Variants in SMYD4 observed in about 807,000 individuals in gnomAD.
The protein encoded by SMYD4 is SET and MYND domain containing 4, also known as protein-lysine N-methyltransferase SMYD4.
Under a neutral mutation model 72.8 loss-of-function variants are expected in SMYD4, and 68 were observed. The ratio of observed to expected loss-of-function variants is 0.93; its 90% CI spans 0.77 to 1.14. SMYD4 has a LOEUF of 1.14. Among genes scored for constraint, SMYD4 ranks in the 50% most tolerant of loss-of-function variants. SMYD4 has a pLI of 0.00. For missense variants in SMYD4, 984 were observed against 1,003.7 expected (o/e 0.98, Z 0.27); for synonymous variants, 407 against 388.6 (o/e 1.05, Z -0.56).
intron 1 of SMYD4, 146 bp from the exon 2 acceptor site, chr17:1,828,152 C>T (rs1911301312): frequency 1.2e-5 from 8 of 674,216 alleles, no homozygotes; most frequent in South Asian, 9.8e-5. Context: ...AGATGGAGAC[C>T]ATCCTGGCTA....
chr17:1,811,827 T>A, intron 3 of SMYD4, 144 bp downstream of exon 3: 6 of 803,690 alleles, frequency 7.5e-6, no homozygotes, highest in Non-Finnish European at 1.1e-5. Context: ...CTCAGGAGAC[T>A]AAGGTGGGAG....
rs987335804 is a variant in SMYD4 at position 1,780,561 on chromosome 17, C to T, written c.*725G>A. The T allele has an allele frequency of 6.6e-6, 1 of 151,790 alleles. No individual in the cohort carries two copies. The highest frequency in any genetic ancestry group is 2.4e-5 in the African/African-American group (1 of 41,242). The allele number at this position is 151,790 out of a possible 1,614,324, so 9.4% of individuals were successfully genotyped here. A position where few individuals can be genotyped will look rare whatever the true frequency, so the allele number is the denominator to read the frequency against. ...CCGCACCTGGTCTGCAGAACCCACACCCGACCCACAGAACCCACACCCGAC... is the reference window on the plus strand; with the variant it reads ...CCGCACCTGGTCTGCAGAACCCACATCCGACCCACAGAACCCACACCCGAC... On this transcript the variant is annotated 3_prime_UTR_variant, in exon 11 of 11. Coordinates refer to ENST00000305513, the MANE Select transcript of SMYD4 (RefSeq NM_052928.3).
chr17:1,791,076 G>A (rs1028310561), intron 5 of SMYD4, among the ~76,000 whole-genome samples: 8 of 135,056 alleles, frequency 5.9e-5, no homozygotes, highest in Admixed American at 1.7e-4. Flanking sequence ...GCAGTGAGCC[G>A]AGATCGCGCC....
intron 3 of SMYD4, among the ~76,000 whole-genome samples, chr17:1,807,898 C>T (rs970560043): frequency 1.3e-5 from 2 of 152,054 alleles, no homozygotes; most frequent in Non-Finnish European, 2.9e-5. Context: ...AGGCAGATGA[C>T]GCTGGACACT....
chr17:1,809,397 CAG>C (rs1212577633), intron 3 of SMYD4, among the ~76,000 whole-genome samples: 1 of 150,824 alleles, frequency 6.6e-6, no homozygotes, highest in South Asian at 2.1e-4. Flanking sequence ...TTTTTTGAGA[CAG>C]AGTCTTGCTC....
At chr17:1,824,031 G>C (rs898657316) in intron 2 of SMYD4, among the ~76,000 whole-genome samples, 1 of 152,172 alleles carries the variant, frequency 6.6e-6, no homozygotes, top group Non-Finnish European at 1.5e-5. Flanking sequence ...TGAAACTGAA[G>C]AGTTCTAGAG....
At chr17:1,813,089 C>A (rs769257715) in intron 2 of SMYD4, among the ~76,000 whole-genome samples, 1 of 152,160 alleles carries the variant, frequency 6.6e-6, no homozygotes, top group Non-Finnish European at 1.5e-5. Flanking sequence ...CAGGCATGCA[C>A]CACCACGTTC....
intron 4 of SMYD4, among the ~76,000 whole-genome samples, chr17:1,803,788 C>G (rs1909892045): frequency 6.6e-6 from 1 of 151,452 alleles, no homozygotes; most frequent in African/African-American, 2.4e-5. Flanking sequence ...CGTGAACCAC[C>G]ATGCCTGGCC....
chr17:1,784,662 G>A (rs777825259), intron 7 of SMYD4: 2 of 718,386 alleles, frequency 2.8e-6, no homozygotes, highest in Non-Finnish European at 3.4e-6. Context: ...ATCAGCAGTA[G>A]CTGATCCCAC....
intron 2 of SMYD4, among the ~76,000 whole-genome samples, chr17:1,817,171 G>A (rs528831986): frequency 1.3e-5 from 2 of 151,794 alleles, no homozygotes; most frequent in South Asian, 4.2e-4. Context: ...CCGAGTAGCC[G>A]GGATTACAGG....
At chr17:1,787,307 T>C (rs1292316918) in intron 6 of SMYD4, 115 bp downstream of exon 6, 69 of 1,364,354 alleles carry the variant, frequency 5.1e-5, no homozygotes, top group Non-Finnish European at 6.8e-5. Context: ...TCACTGCCTC[T>C]TCCAGGAAGC....
At chr17:1,784,773 A>C (rs1908562418) in intron 7 of SMYD4, among the ~76,000 whole-genome samples, 1 of 151,778 alleles carries the variant, frequency 6.6e-6, no homozygotes, top group South Asian at 2.1e-4. Flanking sequence ...TTAGATGACA[A>C]ACATTTCTTT....
chr17:1,813,900 C>T (rs1286024418), intron 2 of SMYD4, among the ~76,000 whole-genome samples: 1 of 152,096 alleles, frequency 6.6e-6, no homozygotes, highest in Non-Finnish European at 1.5e-5. Flanking sequence ...ATAACCTAGA[C>T]TATTCTCTTT....
intron 2 of SMYD4, among the ~76,000 whole-genome samples, chr17:1,818,105 C>A (rs1479132975): frequency 6.6e-6 from 1 of 150,614 alleles, no homozygotes; most frequent in Admixed American, 6.6e-5. Flanking sequence ...GGTCTCTGAT[C>A]CATTTTGAAT....
chr17:1,803,775 A>G (rs1401346933), intron 4 of SMYD4, among the ~76,000 whole-genome samples: 1 of 152,130 alleles, frequency 6.6e-6, no homozygotes, highest in African/African-American at 2.4e-5. Context: ...CTGGGATTAC[A>G]GGCGTGAACC....
intron 5 of SMYD4, among the ~76,000 whole-genome samples, chr17:1,798,346 A>G (rs973503792): frequency 6.6e-6 from 1 of 151,884 alleles, no homozygotes. Flanking sequence ...CAAGTAAGTG[A>G]TTTGACCCAC....
intron 8 of SMYD4, 162 bp from the exon 9 acceptor site, chr17:1,783,638 C>A (rs2151217720): frequency 8.2e-7 from 1 of 1,221,938 alleles, no homozygotes; most frequent in African/African-American, 1.5e-5. Context: ...AATAAAGCTG[C>A]TGTTTTCTTC....
chr17:1,822,198 C>T (rs1910929094), intron 2 of SMYD4, among the ~76,000 whole-genome samples: 1 of 152,080 alleles, frequency 6.6e-6, no homozygotes, highest in South Asian at 2.1e-4. Flanking sequence ...CGCGCCACTG[C>T]ACTCCAGCCT....
At chr17:1,826,038 T>C (rs942596805) in intron 2 of SMYD4, among the ~76,000 whole-genome samples, 1 of 152,016 alleles carries the variant, frequency 6.6e-6, no homozygotes, top group Non-Finnish European at 1.5e-5. Context: ...GTAAAAAAGA[T>C]AAACAGATTG....
Sources: allele counts gnomAD v4.1 joint callset (sites outside exome capture counted in the v4.1 genomes callset), GRCh38; gene constraint gnomAD v4.1.1; transcripts MANE v1.5; gene names NCBI Gene and HGNC (gene_info 2026-07-23, HGNC 2026-07-21).